The following HMGCLL1 variants were observed in gnomAD, a reference collection of about 807,000 sequenced individuals.
HMGCLL1 encodes the protein 3-hydroxy-3-methylglutaryl-CoA lyase like 1.
A neutral mutation model predicts 39.1 loss-of-function variants in HMGCLL1; 36 were observed. The observed-to-expected ratio is 0.92, with a 90% confidence interval of 0.71 to 1.22. The LOEUF (loss-of-function observed/expected upper bound fraction) is 1.22, where lower values mean the gene tolerates loss of function less well. Ranked by LOEUF, HMGCLL1 falls within the 50% of genes most tolerant of loss-of-function variation. HMGCLL1 has a pLI of 0.00. For synonymous variants in HMGCLL1, 149 were observed against 144.0 expected (o/e 1.03, Z -0.25); for missense variants, 451 against 416.5 (o/e 1.08, Z -0.72).
intron 7 of HMGCLL1, among the ~76,000 whole-genome samples, chr6:55,459,678 G>C (rs1764474034): frequency 6.6e-6 from 1 of 151,990 alleles, no homozygotes; most frequent in South Asian, 2.1e-4. Flanking sequence ...AATCCACTGA[G>C]AGGGATACAA....
chr6:55,485,091 G>C (rs1050830253), intron 7 of HMGCLL1, among the ~76,000 whole-genome samples: 55 of 152,194 alleles, frequency 3.6e-4, no homozygotes, highest in Admixed American at 3.9e-4. Flanking sequence ...TCTGTTCCCA[G>C]TTGTGAAGTG....
the HMGCLL1 span, among the ~76,000 whole-genome samples, chr6:55,597,163 A>C: frequency 6.6e-6 from 1 of 152,156 alleles, no homozygotes; most frequent in Non-Finnish European, 1.5e-5. Context: ...CTTAGAACTT[A>C]ACGTATGGAA....
chr6:55,653,272 A>T, the HMGCLL1 span, among the ~76,000 whole-genome samples: 1 of 152,072 alleles, frequency 6.6e-6, no homozygotes, highest in East Asian at 1.9e-4. Context: ...TGTTGTATCC[A>T]GTAATCTTCC....
At chr6:55,558,778 C>G (rs1186721581) in intron 1 of HMGCLL1, among the ~76,000 whole-genome samples, 3 of 152,146 alleles carry the variant, frequency 2.0e-5, no homozygotes, top group South Asian at 4.1e-4. Context: ...TGCTTTCAAC[C>G]ATGCTACCCC....
At chr6:55,600,164 A>G in the HMGCLL1 span, among the ~76,000 whole-genome samples, 2 of 151,870 alleles carry the variant, frequency 1.3e-5, no homozygotes, top group Admixed American at 6.6e-5. Context: ...CTAAAATCAT[A>G]TTTCACTTCT....
At chr6:55,451,672 C>A (rs956111196) in intron 7 of HMGCLL1, among the ~76,000 whole-genome samples, 2 of 152,126 alleles carry the variant, frequency 1.3e-5, no homozygotes, top group Non-Finnish European at 2.9e-5. Flanking sequence ...TGGAATTTCA[C>A]TAGGAGGTAG....
chr6:55,467,611 C>T (rs1764848748), intron 7 of HMGCLL1, among the ~76,000 whole-genome samples: 1 of 152,012 alleles, frequency 6.6e-6, no homozygotes, highest in Non-Finnish European at 1.5e-5. Context: ...TCCCTAGCTA[C>T]TATGGCATCG....
At chr6:55,489,850 G>T (rs1385171612) in intron 7 of HMGCLL1, among the ~76,000 whole-genome samples, 1 of 152,012 alleles carries the variant, frequency 6.6e-6, no homozygotes, top group South Asian at 2.1e-4. Flanking sequence ...CATGAAAAGG[G>T]TATGAGCATA....
At chr6:55,502,663 GATA>G (rs1445716380) in intron 5 of HMGCLL1, among the ~76,000 whole-genome samples, 3 of 150,222 alleles carry the variant, frequency 2.0e-5, no homozygotes, top group Non-Finnish European at 4.4e-5. Context: ...CCCATTTAGA[GATA>G]ATGTTTCATT....
intron 7 of HMGCLL1, among the ~76,000 whole-genome samples, chr6:55,475,428 TAAG>T (rs780744868): frequency 1.1e-4 from 16 of 151,548 alleles, no homozygotes; most frequent in Non-Finnish European, 2.2e-4. Flanking sequence ...ATTAGGCAGT[TAAG>T]AAGATCTCAA....
rs1765136466 is a variant in HMGCLL1 at position 55,473,496 on chromosome 6, C to G, written c.795+21923G>C. Reference sequence around the variant, plus strand: ...ATACTATACCATTTCATGTGTAGCACCAGTACGTTGTAATAAAGTATCCCA... The same window carrying G: ...ATACTATACCATTTCATGTGTAGCAGCAGTACGTTGTAATAAAGTATCCCA... On this transcript the variant is annotated intron_variant, in intron 7 of 8. Transcript: ENST00000274901. 2.6e-5 allele frequency among the ~76,000 whole-genome samples: 4 copies of G among 151,274 alleles called. No individual in the cohort carries two copies. The Admixed American group carries it at 2.7e-4, about 10-fold the overall frequency.
intron 7 of HMGCLL1, among the ~76,000 whole-genome samples, chr6:55,486,945 A>G (rs188018761): frequency 6.6e-6 from 1 of 152,236 alleles, no homozygotes; most frequent in African/African-American, 2.4e-5. Flanking sequence ...ATGTCTTCAC[A>G]TGGCAGAAGT....
the HMGCLL1 span, among the ~76,000 whole-genome samples, chr6:55,645,645 A>G: frequency 6.6e-6 from 1 of 151,988 alleles, no homozygotes; most frequent in African/African-American, 2.4e-5. Context: ...TTCAGAATGA[A>G]TTGAAATGAT....
chr6:55,671,810 T>C, the HMGCLL1 span, among the ~76,000 whole-genome samples: 1 of 151,742 alleles, frequency 6.6e-6, no homozygotes, highest in African/African-American at 2.4e-5. Flanking sequence ...ATATAGTCCA[T>C]TATTAGGGTA....
At chr6:55,600,635 A>C in the HMGCLL1 span, among the ~76,000 whole-genome samples, 1 of 152,258 alleles carries the variant, frequency 6.6e-6, no homozygotes, top group Non-Finnish European at 1.5e-5. Context: ...AAATATATTA[A>C]TCAAGATATG....
chr6:55,604,829 G>C, the HMGCLL1 span, among the ~76,000 whole-genome samples: 1 of 152,088 alleles, frequency 6.6e-6, no homozygotes, highest in Non-Finnish European at 1.5e-5. Flanking sequence ...CATTCACACA[G>C]TGGGCACTAC....
intron 7 of HMGCLL1, among the ~76,000 whole-genome samples, chr6:55,449,218 G>A (rs1763978853): frequency 6.6e-6 from 1 of 152,170 alleles, no homozygotes; most frequent in Non-Finnish European, 1.5e-5. Flanking sequence ...TCAGCTAGCT[G>A]ATATTACCAA....
chr6:55,573,129 A>G (rs1258972775), intron 1 of HMGCLL1, among the ~76,000 whole-genome samples: 1 of 152,216 alleles, frequency 6.6e-6, no homozygotes, highest in Non-Finnish European at 1.5e-5. Flanking sequence ...GAATACAAAA[A>G]GTAAGGATGA....
chr6:55,613,433 C>T, the HMGCLL1 span, among the ~76,000 whole-genome samples: 1 of 152,136 alleles, frequency 6.6e-6, no homozygotes, highest in Non-Finnish European at 1.5e-5. Flanking sequence ...ACCCAGCAAT[C>T]CCATTACTGG....
Sources: gnomAD v4.1 joint callset for allele counts (sites outside exome capture counted in the v4.1 genomes callset) on GRCh38, gnomAD v4.1.1 for gene constraint, MANE v1.5 for transcripts, NCBI Gene and HGNC (gene_info 2026-07-23, HGNC 2026-07-21) for gene names.